The following NID1 variants were observed in gnomAD, a reference collection of about 807,000 sequenced individuals.
The protein encoded by NID1 is nidogen-1.
In NID1, 76 loss-of-function variants were observed where a neutral mutation model predicts 130.6. The observed-to-expected ratio is 0.58, with a 90% confidence interval of 0.48 to 0.70. The LOEUF is 0.70. Ranked by LOEUF, NID1 falls within the 30% of genes least tolerant of loss-of-function variation. The pLI, the probability that NID1 is intolerant of heterozygous loss-of-function variation, is 0.00. For missense variants in NID1, 1,517 were observed against 1,664.8 expected (o/e 0.91, Z 1.54); for synonymous variants, 665 against 675.1 (o/e 0.98, Z 0.23).
intron 14 of NID1, among the ~76,000 whole-genome samples, chr1:235,988,392 G>C (rs1345064752): frequency 6.6e-6 from 1 of 152,236 alleles, no homozygotes; most frequent in Non-Finnish European, 1.5e-5. Context: ...GTTTTGGTAA[G>C]GATATGGAGG....
chr1:236,045,410 T>TA (rs376323651), intron 3 of NID1, 47 bp downstream of exon 3: 2 of 1,343,314 alleles, frequency 1.5e-6, no homozygotes, highest in African/African-American at 2.9e-5. Flanking sequence ...TTATCCACAT[T>TA]AAAAAATATT....
chr1:236,055,770 G>A (rs955021262), intron 1 of NID1, among the ~76,000 whole-genome samples: 5 of 152,140 alleles, frequency 3.3e-5, no homozygotes, highest in African/African-American at 1.2e-4. Flanking sequence ...TGTCAGTAGG[G>A]CCTGTGGCTC....
chr1:236,046,269 A>G (rs1438994826), intron 2 of NID1, among the ~76,000 whole-genome samples: 2 of 152,300 alleles, frequency 1.3e-5, no homozygotes, highest in East Asian at 3.9e-4. Context: ...GGAAGACTAC[A>G]TGAGGTCACG....
At chr1:236,019,515 A>G (rs1658694753) in intron 9 of NID1, among the ~76,000 whole-genome samples, 2 of 152,206 alleles carry the variant, frequency 1.3e-5, no homozygotes, top group South Asian at 4.1e-4. Flanking sequence ...CTTCTATGTG[A>G]CCAGGCTCTT....
intron 8 of NID1, 34 bp downstream of exon 8, chr1:236,025,862 G>A: frequency 6.3e-7 from 1 of 1,599,966 alleles, no homozygotes; most frequent in Admixed American, 1.7e-5. Context: ...AAATGCATGA[G>A]CACCTGTGCC....
intron 14 of NID1, among the ~76,000 whole-genome samples, chr1:235,986,894 G>T (rs1657590251): frequency 6.6e-6 from 1 of 152,246 alleles, no homozygotes; most frequent in South Asian, 2.1e-4. Context: ...ATTAAGGAAA[G>T]AGAACATTTC....
intron 3 of NID1, 49 bp downstream of exon 3, chr1:236,045,408 A>C (rs372830049): frequency 5.3e-6 from 7 of 1,323,466 alleles, no homozygotes; most frequent in Non-Finnish European, 7.6e-6. Context: ...CATTATCCAC[A>C]TTAAAAAATA....
Position 236,012,034 on chromosome 1 carries a change from T to C in NID1, c.2414A>G (p.Glu805Gly), listed in dbSNP as rs768476591. The C allele has an allele frequency of 6.2e-7, 1 of 1,613,294 alleles. No homozygotes were observed. The highest frequency in any genetic ancestry group is 8.5e-7 in the Non-Finnish European group (1 of 1,179,258). ...GDGQACQDVD[E>G]CQPSRCHPDA... is the part of the protein sequence containing the mutation. The stretch of plus-strand genomic sequence containing the variant: ...AGGGTGACATCGGCTTGGCTGGCAT[T>C]CATCTACATCTGTAAAACAGCCACC... The change falls in exon 12 of 20, where the codon GAA becomes GGA. Residue 805 changes from glutamate (E) to glycine (G), a missense_variant. Glu to Gly is a moderately conservative substitution (Grantham distance 98). Coordinates refer to ENST00000264187, the MANE Select transcript of NID1 (RefSeq NM_002508.3).
chr1:236,015,490 T>G (rs772495658), intron 10 of NID1, among the ~76,000 whole-genome samples: 21 of 151,820 alleles, frequency 1.4e-4, no homozygotes, highest in Admixed American at 5.9e-4. Context: ...CTACTAAAAA[T>G]ACAAAACTTA....
At chr1:235,997,796 C>T (rs565420008) in intron 12 of NID1, among the ~76,000 whole-genome samples, 9 of 151,838 alleles carry the variant, frequency 5.9e-5, no homozygotes, top group South Asian at 2.1e-4. Flanking sequence ...TTGGTAGAGA[C>T]GGGGTTTCAC....
intron 10 of NID1, among the ~76,000 whole-genome samples, chr1:236,015,727 T>C (rs1479992496): frequency 6.6e-6 from 1 of 150,900 alleles, no homozygotes; most frequent in Non-Finnish European, 1.5e-5. Context: ...TGTGTCCTCC[T>C]TGACAGCTCC....
chr1:236,038,110 C>T lies in NID1; in HGVS notation c.1279G>A (p.Ala427Thr), dbSNP rs1421193987. ...ACATAGAAAAGCAAATTACCTTCTG[C>T]AACACATTGCCTGCCATTGCCCGTA... The part of the protein sequence containing the change: ...GYTGNGRQCV[A>T]EGSPQRVNGK... Residue 427 changes from alanine to threonine, a missense_variant, in exon 5 of 20, where the codon GCA becomes ACA. Coordinates refer to ENST00000264187, the MANE Select transcript of NID1 (RefSeq NM_002508.3). 2.5e-6 allele frequency: 4 copies of T among 1,597,326 alleles called. No individual in the cohort carries two copies. Among genetic ancestry groups the T allele is most frequent in the Admixed American group, 1.7e-5 (1 of 59,306 alleles).
rs181479832 is a variant in NID1 at position 235,977,666 on chromosome 1, T to A, written c.*201A>T. The A allele has an allele frequency of 3.5e-6, 2 of 566,452 alleles. No homozygotes were observed. Among genetic ancestry groups the A allele is most frequent in the East Asian group, 6.1e-5 (2 of 32,932 alleles). The allele number at this position is 566,452 out of a possible 1,614,324, so 35.1% of individuals were successfully genotyped here. A position where few individuals can be genotyped will look rare whatever the true frequency, so the allele number is the denominator to read the frequency against. On this transcript the variant is annotated 3_prime_UTR_variant, in exon 20 of 20. Coordinates refer to ENST00000264187, the MANE Select transcript of NID1 (RefSeq NM_002508.3). ...AGGGGTGGAGGGTTCTGTCCTTGTGTAGGGGTGGAGACTTTTCTATTAGAG... is the reference window on the plus strand; with the variant it reads ...AGGGGTGGAGGGTTCTGTCCTTGTGAAGGGGTGGAGACTTTTCTATTAGAG...
chr1:236,017,345 T>C (rs943430291), intron 9 of NID1, 72 bp from the exon 10 acceptor site: 2 of 1,525,792 alleles, frequency 1.3e-6, no homozygotes, highest in Admixed American at 3.7e-5. Flanking sequence ...TATAATAAAA[T>C]AGCATTGTCA....
At chr1:235,984,868 T>C (rs1572576482) in intron 15 of NID1, among the ~76,000 whole-genome samples, 1 of 152,170 alleles carries the variant, frequency 6.6e-6, no homozygotes, top group Middle Eastern at 3.4e-3. Flanking sequence ...ATTTCCTCAA[T>C]TGAGGAATTG....
chr1:236,043,866 C>T (rs531911766), intron 3 of NID1, among the ~76,000 whole-genome samples: 1 of 152,264 alleles, frequency 6.6e-6, no homozygotes, highest in Admixed American at 6.5e-5. Flanking sequence ...GGACTAGTCT[C>T]AGTTTACCTT....
intron 1 of NID1, 40 bp downstream of exon 1, chr1:236,064,815 G>C (rs745843880): frequency 1.3e-6 from 2 of 1,568,988 alleles, no homozygotes; most frequent in Non-Finnish European, 1.7e-6. Flanking sequence ...GGCCCGCCGC[G>C]CCCTGCAGCC....
intron 6 of NID1, 48 bp downstream of exon 6, chr1:236,032,352 CT>C (rs755692051): frequency 2.6e-5 from 41 of 1,593,112 alleles, no homozygotes; most frequent in African/African-American, 2.3e-4. Flanking sequence ...AGGCCTCCCC[CT>C]AGGCACTACT....
chr1:235,987,920 A>T (rs1006551219), intron 14 of NID1, among the ~76,000 whole-genome samples: 4 of 152,246 alleles, frequency 2.6e-5, no homozygotes, highest in Non-Finnish European at 4.4e-5. Context: ...CCTAAATGTA[A>T]GAGCAAACTT....
Sources: allele counts gnomAD v4.1 joint callset (sites outside exome capture counted in the v4.1 genomes callset), GRCh38; gene constraint gnomAD v4.1.1; transcripts MANE v1.5; gene names NCBI Gene and HGNC (gene_info 2026-07-23, HGNC 2026-07-21).